GKAP1: variants seen among roughly 807,000 people sequenced by gnomAD.
GKAP1 encodes G kinase anchoring protein 1, also known as G kinase-anchoring protein 1.
GKAP1 carries 31 observed loss-of-function variants against 56.7 expected under a neutral mutation model. The observed-to-expected ratio is 0.55, with a 90% CI of 0.41 to 0.74. The LOEUF is 0.74. GKAP1 is among the 30% of genes least tolerant of loss of function. GKAP1 has a pLI of 0.00. For synonymous variants in GKAP1, 151 were observed against 138.6 expected, an observed-to-expected ratio of 1.09 and a Z score of -0.63; for missense variants, 364 against 402.3, an observed-to-expected ratio of 0.90 and a Z score of 0.82.
intron 8 of GKAP1, among the ~76,000 whole-genome samples, chr9:83,757,744 G>C (rs1943500676): frequency 6.6e-6 from 1 of 151,966 alleles, no homozygotes; most frequent in African/African-American, 2.4e-5. Flanking sequence ...GAGATAATGA[G>C]AGCCTAAATT....
At chr9:83,751,373 A>G (rs1943386164) in intron 9 of GKAP1, among the ~76,000 whole-genome samples, 1 of 152,166 alleles carries the variant, frequency 6.6e-6, no homozygotes, top group African/African-American at 2.4e-5. Flanking sequence ...CTTCTGGAGC[A>G]TTCTGTCATA....
At position 83,779,448 on chromosome 9, in the gene GKAP1, T is replaced by TATACACACACACACACACAC. The variant is rs1554742273; in HGVS notation, c.585+933_585+934insGTGTGTGTGTGTGTGTGTAT. Among the ~76,000 whole-genome samples, 124 of 119,614 alleles carry TATACACACACACACACACAC rather than the reference T, an allele frequency of 1.0e-3. 3 individuals are homozygous for TATACACACACACACACACAC. Among genetic ancestry groups the TATACACACACACACACACAC allele is most frequent in the South Asian group, 9.8e-3 (34 of 3,484 alleles). 78.5% of individuals were successfully genotyped at this position (119,614 alleles called of 152,430 possible). ...AGCCATATATATATATATATATATA[T>TATACACACACACACACACAC]ACACACACACACACACGCACATATA... On this transcript the variant is annotated intron_variant, in intron 7 of 12. Transcript: ENST00000376371.
At chr9:83,795,221 GTA>G (rs964638057) in intron 4 of GKAP1, among the ~76,000 whole-genome samples, 10 of 149,466 alleles carry the variant, frequency 6.7e-5, no homozygotes, top group African/African-American at 2.5e-4. Flanking sequence ...CATGCCCTAC[GTA>G]TTTTTTTAAA....
At chr9:83,767,832 A>T (rs1378173673) in intron 8 of GKAP1, among the ~76,000 whole-genome samples, 2 of 151,900 alleles carry the variant, frequency 1.3e-5, no homozygotes, top group South Asian at 4.1e-4. Context: ...GATTATAGGC[A>T]TGTGCCACCA....
chr9:83,802,785 C>T (rs1944352380), intron 3 of GKAP1, among the ~76,000 whole-genome samples: 1 of 151,744 alleles, frequency 6.6e-6, no homozygotes, highest in Non-Finnish European at 1.5e-5. Flanking sequence ...TATATCATGC[C>T]ACTGAACTCC....
intron 9 of GKAP1, among the ~76,000 whole-genome samples, chr9:83,749,856 A>G (rs10746724): frequency 0.55 from 83,122 of 152,012 alleles, 23,659 homozygotes; most frequent in Admixed American, 0.69. Flanking sequence ...ATAAACGTAG[A>G]AAGACTGCTG....
chr9:83,774,031 G>A (rs1044767126), intron 7 of GKAP1, among the ~76,000 whole-genome samples: 35 of 151,596 alleles, frequency 2.3e-4, no homozygotes, highest in African/African-American at 8.5e-4. Context: ...CATCACACCC[G>A]GCTAATTTTT....
intron 3 of GKAP1, among the ~76,000 whole-genome samples, chr9:83,804,298 G>C (rs1473564517): frequency 2.1e-5 from 3 of 143,266 alleles, no homozygotes; most frequent in Admixed American, 1.4e-4. Flanking sequence ...GGAGGGAGGT[G>C]GGGGGGTCAG....
chr9:83,799,188 C>A lies in GKAP1; in HGVS notation c.357G>T (p.Glu119Asp). The A allele has an allele frequency of 1.2e-6, 2 of 1,613,108 alleles. No homozygotes were observed. Among genetic ancestry groups the A allele is most frequent in the Non-Finnish European group, 1.7e-6 (2 of 1,179,514 alleles). The change falls in exon 4 of 13, where the codon GAG becomes GAT. Residue 119 changes from glutamate to aspartate, a missense_variant. Glu to Asp is a conservative substitution (Grantham distance 45). Transcript: ENST00000376371. ...AATTTTATTTACTTAGTTGTACCTG[C>A]TCATCTCTTTGTCTCCACTCTTGCC... ...ENWQEWRQRDEQLTSEMFEAD... is the reference protein window; with the variant it reads ...ENWQEWRQRDDQLTSEMFEAD...
rs530306389 is a variant in GKAP1 at position 83,782,056 on chromosome 9, G to A, written c.563-1652C>T. ...GATCGGTTTCACTGTGTTAGCCAGG[G>A]TGGTCTTGATCTCCTAACCTCGTGA... On this transcript the variant is annotated intron_variant, in intron 6 of 12. Transcript: ENST00000376371. Among the ~76,000 whole-genome samples, 9 of 151,926 alleles carry A rather than the reference G, an allele frequency of 5.9e-5. No homozygotes were observed. The South Asian group carries it at 1.9e-3, about 32-fold the overall frequency.
At chr9:83,795,824 G>A (rs1247001050) in intron 4 of GKAP1, among the ~76,000 whole-genome samples, 1 of 152,048 alleles carries the variant, frequency 6.6e-6, no homozygotes, top group Non-Finnish European at 1.5e-5. Flanking sequence ...AAAGTGCTGG[G>A]ATTACAGGAA....
intron 3 of GKAP1, among the ~76,000 whole-genome samples, chr9:83,803,154 T>TA (rs891929210): frequency 2.7e-4 from 41 of 151,926 alleles, no homozygotes; most frequent in Non-Finnish European, 8.8e-5. Flanking sequence ...CCTATAACAG[T>TA]AAAAAATAGG....
chr9:83,763,769 C>T (rs1206222166), intron 8 of GKAP1, among the ~76,000 whole-genome samples: 4 of 152,126 alleles, frequency 2.6e-5, no homozygotes, highest in African/African-American at 4.8e-5. Context: ...AAAACATGTT[C>T]TGCTAAACAT....
At chr9:83,759,298 A>G (rs1943530362) in intron 8 of GKAP1, among the ~76,000 whole-genome samples, 1 of 152,056 alleles carries the variant, frequency 6.6e-6, no homozygotes, top group Non-Finnish European at 1.5e-5. Flanking sequence ...TCTTGCTTCA[A>G]TGCCCAGGCT....
chr9:83,809,124 T>C (rs1334999127), intron 2 of GKAP1, among the ~76,000 whole-genome samples: 1 of 152,252 alleles, frequency 6.6e-6, no homozygotes, highest in Non-Finnish European at 1.5e-5. Flanking sequence ...CTAGGACTGA[T>C]ATGAAAACTG....
At chr9:83,756,220 T>TA (rs1269855972) in intron 8 of GKAP1, among the ~76,000 whole-genome samples, 1 of 151,964 alleles carries the variant, frequency 6.6e-6, no homozygotes, top group African/African-American at 2.4e-5. Context: ...CTCATGCCTA[T>TA]AATCTCAGCA....
chr9:83,784,990 C>T, intron 5 of GKAP1, 152 bp from the exon 6 acceptor site: 3 of 504,762 alleles, frequency 5.9e-6, no homozygotes, highest in Non-Finnish European at 1.0e-5. Flanking sequence ...TAAAGAGATA[C>T]CTCTTTATTC....
intron 2 of GKAP1, among the ~76,000 whole-genome samples, chr9:83,813,732 C>A (rs984054365): frequency 3.9e-5 from 6 of 152,150 alleles, no homozygotes; most frequent in African/African-American, 7.2e-5. Flanking sequence ...GGCAGTTCAC[C>A]ATAAATAAAT....
intron 7 of GKAP1, among the ~76,000 whole-genome samples, chr9:83,774,702 C>CCT (rs1943824853): frequency 9.5e-6 from 1 of 104,902 alleles, no homozygotes. Context: ...CAGAAACCCC[C>CCT]TTTTTTTTTT....
Sources: gnomAD v4.1 joint callset for allele counts (sites outside exome capture counted in the v4.1 genomes callset) on GRCh38, gnomAD v4.1.1 for gene constraint, MANE v1.5 for transcripts, NCBI Gene and HGNC (gene_info 2026-07-23, HGNC 2026-07-21) for gene names.